The following ADAMTSL2 variants were observed in gnomAD, a reference collection of about 807,000 sequenced individuals.
The protein encoded by ADAMTSL2 is ADAMTS like 2.
ADAMTSL2 carries 55 observed loss-of-function variants against 117.0 expected under a neutral mutation model. That is an observed-to-expected ratio of 0.47 (90% CI 0.38 to 0.59). The LOEUF (loss-of-function observed/expected upper bound fraction) is 0.59. Among genes scored for constraint, ADAMTSL2 ranks in the 20% least tolerant of loss-of-function variants. The probability of loss-of-function intolerance (pLI) is 0.00; values close to 1 mark genes in which losing one functional copy is unlikely to be tolerated. For missense variants in ADAMTSL2, 1,182 were observed against 1,354.5 expected (o/e 0.87, Z 2.00); for synonymous variants, 572 against 566.4 (o/e 1.01, Z -0.14).
chr9:133,534,623 G>T, upstream of ADAMTSL2: 1 of 1,281,110 alleles, frequency 7.8e-7, no homozygotes, highest in Non-Finnish European at 9.9e-7. Context: ...GCGCGGGCGG[G>T]GGAGCGGCCT....
chr9:133,554,667 G>A lies in ADAMTSL2; in HGVS notation c.1250G>A (p.Gly417Glu). 2.0e-6 allele frequency: 3 copies of A among 1,516,234 alleles called. No homozygotes were observed. The highest frequency in any genetic ancestry group is 2.7e-6 in the Non-Finnish European group (3 of 1,127,524). 93.9% of individuals were successfully genotyped at this position (1,516,234 alleles called of 1,614,324 possible). The change falls in exon 10 of 19, where the codon GGG becomes GAG. Residue 417 changes from glycine (G) to glutamate (E), a missense_variant. Gly to Glu is a moderately conservative substitution (Grantham distance 98, BLOSUM62 -2). This residue lies in a region of ADAMTSL2 where 345 missense variants were observed against 325.8 expected (regional missense o/e 1.06). Coordinates refer to ENST00000651351, the MANE Select transcript of ADAMTSL2 (RefSeq NM_014694.4). The surrounding 1 kb of genome is among the most constrained non-coding windows in gnomAD (Gnocchi z 5.2). ...CEQAGGGACE[G>E]PPRGKGFRDR... ...CAGGCCGGCGGCGGGGCCTGCGAGGGGCCCCCCAGGGGCAAGGGCTTCCGA... is the reference window on the plus strand; with the variant it reads ...CAGGCCGGCGGCGGGGCCTGCGAGGAGCCCCCCAGGGGCAAGGGCTTCCGA...
At position 133,570,321 on chromosome 9, in the gene ADAMTSL2, C is replaced by CTGG. The variant is rs1831074404; in HGVS notation, c.2416-10_2416-9insTGG. The stretch of plus-strand genomic sequence containing the variant: ...CTGGCGCTGACCCGCTCCCTCTGCC[C>CTGG]CGGCCTCAGTGCAACACCACCTGCG... On this transcript the variant is annotated splice_polypyrimidine_tract_variant and intron_variant, in intron 16 of 18. Coordinates refer to ENST00000651351, the MANE Select transcript of ADAMTSL2 (RefSeq NM_014694.4). 1.3e-6 allele frequency: 2 copies of CTGG among 1,541,320 alleles called. No homozygotes were observed. The highest frequency in any genetic ancestry group is 2.7e-5 in the African/African-American group (2 of 72,986).
rs1002683484 is a variant in ADAMTSL2 at position 133,558,529 on chromosome 9, C to T, written c.1649+2599C>T. Among the ~76,000 whole-genome samples the T allele has an allele frequency of 4.6e-5, 7 of 152,216 alleles. No homozygotes were observed. In the South Asian group the frequency reaches 8.3e-4, roughly 18 times the overall value. ...AGAGACGCGGAGTCCCTCTCCGCAG[C>T]CTTGGGGGGAGAGAAGAACAGAGCA... On this transcript the variant is annotated intron_variant, in intron 11 of 18. Coordinates refer to ENST00000651351, the MANE Select transcript of ADAMTSL2 (RefSeq NM_014694.4). This position sits in a 1 kb window ranked among gnomAD's most constrained non-coding sequence, Gnocchi z 4.3.
intron 12 of ADAMTSL2, among the ~76,000 whole-genome samples, chr9:133,564,615 AGAGAGAGAGG>A (rs1830908376): frequency 6.5e-5 from 4 of 61,480 alleles, no homozygotes; most frequent in African/African-American, 1.4e-4. Flanking sequence ...AGGGAGAGAG[AGAGAGAGAGG>A]GAGAGAGAGA....
At chr9:133,568,517 G>C in intron 14 of ADAMTSL2, 31 bp downstream of exon 14, 15 of 1,578,658 alleles carry the variant, frequency 9.5e-6, no homozygotes, top group Non-Finnish European at 1.3e-5. Context: ...GCCGGGGGTC[G>C]GGAAGAGCTG....
In ADAMTSL2 at chr9:133,557,933, C is replaced by A. The variant is rs761271159; in HGVS notation, c.1649+2003C>A. Among the ~76,000 whole-genome samples, 58 of 152,106 alleles carry A rather than the reference C, an allele frequency of 3.8e-4. No individual in the cohort carries two copies. The highest frequency in any genetic ancestry group is 6.9e-4 in the Non-Finnish European group (47 of 68,022). On this transcript the variant is annotated intron_variant, in intron 11 of 18. Transcript: ENST00000651351. The surrounding 1 kb of genome is among the most constrained non-coding windows in gnomAD (Gnocchi z 5.2). ...TTGAGCATCTCTGTCTTCCTCTGGG[C>A]CTCAGTTTCCCCATCTCTCACTGGG...
intron 8 of ADAMTSL2, among the ~76,000 whole-genome samples, chr9:133,544,985 T>C (rs974270881): frequency 8.0e-6 from 1 of 125,022 alleles, no homozygotes; most frequent in African/African-American, 2.6e-5. Flanking sequence ...GGTCTCATGC[T>C]GATGTTCTTG....
intron 9 of ADAMTSL2, among the ~76,000 whole-genome samples, chr9:133,550,584 TC>T (rs1488716719): frequency 6.6e-6 from 1 of 152,074 alleles, no homozygotes; most frequent in Non-Finnish European, 1.5e-5. Flanking sequence ...ATTCAGCACT[TC>T]CCCTTCCAGG....
intron 17 of ADAMTSL2, 41 bp downstream of exon 17, chr9:133,570,548 G>A (rs1831082154): frequency 6.3e-7 from 1 of 1,582,166 alleles, no homozygotes. Context: ...CCTGAGGCCA[G>A]ACCTGAATGT....
At chr9:133,537,873 T>C (rs1830091514) in intron 3 of ADAMTSL2, among the ~76,000 whole-genome samples, 1 of 152,222 alleles carries the variant, frequency 6.6e-6, no homozygotes, top group Admixed American at 6.5e-5. Flanking sequence ...CTTTAGAATA[T>C]GCCAGGGAGC....
intron 8 of ADAMTSL2, among the ~76,000 whole-genome samples, chr9:133,546,102 G>A (rs1830341254): frequency 6.6e-6 from 1 of 152,094 alleles, no homozygotes; most frequent in Admixed American, 6.5e-5. Context: ...AGTGTCCCGA[G>A]CGCCGAATCG....
chr9:133,565,387 G>A (rs1588306452), intron 12 of ADAMTSL2, among the ~76,000 whole-genome samples: 1 of 152,274 alleles, frequency 6.6e-6, no homozygotes, highest in South Asian at 2.1e-4. Flanking sequence ...GGCCTGCCGC[G>A]TTTCCACTCC....
At chr9:133,551,304 A>G (rs56797972) in intron 9 of ADAMTSL2, among the ~76,000 whole-genome samples, 216 of 151,462 alleles carry the variant, frequency 1.4e-3, no homozygotes, top group Admixed American at 3.1e-3. Flanking sequence ...GGGCCCCCCC[A>G]CACACAGCCA....
At chr9:133,534,962 A>G in intron 1 of ADAMTSL2, 45 bp downstream of exon 1, 1 of 1,358,270 alleles carries the variant, frequency 7.4e-7, no homozygotes, top group Non-Finnish European at 9.5e-7. Flanking sequence ...AGCGTCCACC[A>G]GGCCAGCCCA....
chr9:133,575,003 AG>A lies in ADAMTSL2; in HGVS notation c.*143del. ...GTGGCACTGAGCCTCGGCTGTCGAG[AG>A]GGGACTTCCCACGGCCCGTGGACCT... On this transcript the variant is annotated 3_prime_UTR_variant, in exon 19 of 19. Coordinates refer to ENST00000651351, the MANE Select transcript of ADAMTSL2 (RefSeq NM_014694.4). 1 of 694,808 alleles carries A rather than the reference AG, an allele frequency of 1.4e-6. No individual in the cohort carries two copies. Among genetic ancestry groups the A allele is most frequent in the Non-Finnish European group, 2.5e-6 (1 of 394,122 alleles). The allele number at this position is 694,808 out of a possible 1,614,324, so 43.0% of individuals were successfully genotyped here.
intron 5 of ADAMTSL2, among the ~76,000 whole-genome samples, chr9:133,540,102 C>A (rs1830178856): frequency 6.6e-6 from 1 of 152,220 alleles, no homozygotes; most frequent in Admixed American, 6.5e-5. Context: ...GAGTTCCCTG[C>A]AGACCTGACC....
chr9:133,555,259 C>A (rs926799787), intron 10 of ADAMTSL2, among the ~76,000 whole-genome samples: 7 of 149,612 alleles, frequency 4.7e-5, no homozygotes, highest in African/African-American at 7.4e-5. Flanking sequence ...CTACAATGAC[C>A]CTATTTCCAA....
chr9:133,546,109 A>G (rs11497294), intron 8 of ADAMTSL2, among the ~76,000 whole-genome samples: 74,518 of 151,802 alleles, frequency 0.49, 19,084 homozygotes, highest in Non-Finnish European at 0.54. Context: ...CGAGCGCCGA[A>G]TCGGCCTCCT....
At chr9:133,546,584 A>T (rs1830353679) in intron 8 of ADAMTSL2, among the ~76,000 whole-genome samples, 1 of 152,038 alleles carries the variant, frequency 6.6e-6, no homozygotes, top group African/African-American at 2.4e-5. Context: ...CCTGGTGGTC[A>T]GCACACCCAT....
Sources: allele counts gnomAD v4.1 joint callset (sites outside exome capture counted in the v4.1 genomes callset), GRCh38; gene constraint gnomAD v4.1.1; regional missense constraint gnomAD v4.1.1; non-coding constraint Gnocchi (gnomAD v3.1); transcripts MANE v1.5; gene names NCBI Gene and HGNC (gene_info 2026-07-23, HGNC 2026-07-21).